Variants in DOCK2 observed in about 807,000 individuals in gnomAD.
The protein encoded by DOCK2 is dedicator of cytokinesis protein 2.
In DOCK2, 87 loss-of-function variants were observed where a neutral mutation model predicts 248.9. The observed-to-expected ratio is 0.35, with a 90% CI of 0.29 to 0.42. The LOEUF (loss-of-function observed/expected upper bound fraction) is 0.42. Among genes scored for constraint, DOCK2 ranks in the 10% least tolerant of loss-of-function variants. DOCK2 has a pLI of 1.00. For missense variants in DOCK2, 1,747 were observed against 2,300.2 expected, an observed-to-expected ratio of 0.76 and a Z score of 4.92; for synonymous variants, 805 against 821.6, an observed-to-expected ratio of 0.98 and a Z score of 0.35.
intron 2 of DOCK2, 150 bp downstream of exon 2, chr5:169,654,636 C>A: frequency 1.3e-6 from 1 of 746,186 alleles, no homozygotes; most frequent in Non-Finnish European, 2.1e-6. Context: ...ATTTACTAAA[C>A]AGAAATGCTT....
intron 10 of DOCK2, among the ~76,000 whole-genome samples, chr5:169,696,488 T>C (rs954595543): frequency 2.0e-5 from 3 of 152,228 alleles, no homozygotes; most frequent in Non-Finnish European, 2.9e-5. Context: ...GCCCCACTTT[T>C]ATGGTTTTAG....
chr5:169,727,116 C>T (rs1467383080), intron 22 of DOCK2, among the ~76,000 whole-genome samples: 1 of 150,904 alleles, frequency 6.6e-6, no homozygotes, highest in Non-Finnish European at 1.5e-5. Context: ...AGGAGCCAGT[C>T]CATGGGACGA....
At chr5:169,708,645 A>T (rs900761897) in intron 15 of DOCK2, among the ~76,000 whole-genome samples, 2 of 151,860 alleles carry the variant, frequency 1.3e-5, no homozygotes, top group Non-Finnish European at 2.9e-5. Flanking sequence ...GCTCACTGCA[A>T]CCACTGTCTC....
chr5:169,734,117 C>T (rs940887542), intron 22 of DOCK2, among the ~76,000 whole-genome samples: 1 of 151,996 alleles, frequency 6.6e-6, no homozygotes, highest in Admixed American at 6.6e-5. Flanking sequence ...TTTCTTTAAA[C>T]CCATTTTCCA....
chr5:169,822,076 A>G (rs1490754228), intron 26 of DOCK2, among the ~76,000 whole-genome samples: 1 of 152,254 alleles, frequency 6.6e-6, no homozygotes, highest in East Asian at 1.9e-4. Context: ...TAACTATCCT[A>G]AATATATATG....
intron 27 of DOCK2, among the ~76,000 whole-genome samples, chr5:169,842,130 G>C (rs1394092922): frequency 6.6e-6 from 1 of 152,160 alleles, no homozygotes; most frequent in African/African-American, 2.4e-5. Context: ...AGTGTTGGCA[G>C]TTTATTTTAA....
chr5:169,747,567 A>T, intron 23 of DOCK2, 63 bp downstream of exon 23: 2 of 1,400,372 alleles, frequency 1.4e-6, no homozygotes, highest in South Asian at 2.5e-5. Flanking sequence ...ACAGCATGCT[A>T]AGATAATATC....
chr5:169,847,333 T>C (rs1163179908), intron 27 of DOCK2, among the ~76,000 whole-genome samples: 5 of 152,236 alleles, frequency 3.3e-5, no homozygotes, highest in African/African-American at 1.2e-4. Flanking sequence ...ATGTTCTCTT[T>C]TCCCAACATT....
intron 26 of DOCK2, among the ~76,000 whole-genome samples, chr5:169,829,608 T>C (rs944174064): frequency 2.6e-5 from 4 of 152,234 alleles, no homozygotes; most frequent in African/African-American, 4.8e-5. Flanking sequence ...ACCCAGGGCC[T>C]ATGACTTTAT....
chr5:169,827,678 C>T (rs1297228326), intron 26 of DOCK2, among the ~76,000 whole-genome samples: 2 of 152,100 alleles, frequency 1.3e-5, no homozygotes, highest in East Asian at 3.9e-4. Context: ...CGGAATAAAT[C>T]AAGGAAAATA....
intron 26 of DOCK2, among the ~76,000 whole-genome samples, chr5:169,808,643 T>C (rs938192435): frequency 6.6e-6 from 1 of 152,172 alleles, no homozygotes; most frequent in African/African-American, 2.4e-5. Flanking sequence ...GAAGGGCGGT[T>C]TCACACTGCT....
chr5:169,639,460 GTC>G (rs1757029179), intron 1 of DOCK2, among the ~76,000 whole-genome samples: 1 of 152,180 alleles, frequency 6.6e-6, no homozygotes, highest in Non-Finnish European at 1.5e-5. Context: ...GTTTATTTCT[GTC>G]TCTCATGGAA....
intron 27 of DOCK2, among the ~76,000 whole-genome samples, chr5:169,947,313 A>G (rs2113717302): frequency 6.6e-6 from 1 of 152,366 alleles, no homozygotes. Context: ...GTCTTGGAAT[A>G]GGACAGAACA....
intron 22 of DOCK2, among the ~76,000 whole-genome samples, chr5:169,740,307 A>G (rs1763246730): frequency 6.6e-6 from 1 of 151,638 alleles, no homozygotes; most frequent in African/African-American, 2.4e-5. Flanking sequence ...TTTTATTTAG[A>G]ACTGTTTATA....
chr5:169,683,103 A>G (rs1472626419), intron 7 of DOCK2, among the ~76,000 whole-genome samples: 1 of 152,246 alleles, frequency 6.6e-6, no homozygotes, highest in African/African-American at 2.4e-5. Context: ...TTGGAAACAA[A>G]TCCTTGTGCG....
intron 12 of DOCK2, 134 bp from the exon 13 acceptor site, chr5:169,699,880 G>C (rs1025919838): frequency 7.7e-7 from 1 of 1,291,830 alleles, no homozygotes; most frequent in African/African-American, 1.5e-5. Context: ...CCTGTGGGCT[G>C]GGTGGCTGCA....
At chr5:169,638,456 G>A (rs1756965813) in intron 1 of DOCK2, among the ~76,000 whole-genome samples, 1 of 152,242 alleles carries the variant, frequency 6.6e-6, no homozygotes, top group African/African-American at 2.4e-5. Context: ...TGTAAGGCTA[G>A]AGGCTTGGAC....
intron 25 of DOCK2, among the ~76,000 whole-genome samples, chr5:169,795,483 G>A (rs1255352839): frequency 1.3e-5 from 2 of 152,002 alleles, no homozygotes; most frequent in African/African-American, 4.8e-5. Flanking sequence ...TGGGGGTGAG[G>A]CAAGTGACTC....
chr5:169,953,098 C>A (rs769288883), intron 27 of DOCK2, among the ~76,000 whole-genome samples: 1 of 151,922 alleles, frequency 6.6e-6, no homozygotes, highest in African/African-American at 2.4e-5. Flanking sequence ...CTGAGGTGGG[C>A]GGATCACAAG....
Sources: allele counts gnomAD v4.1 joint callset (sites outside exome capture counted in the v4.1 genomes callset), GRCh38; gene constraint gnomAD v4.1.1; transcripts MANE v1.5; gene names NCBI Gene and HGNC (gene_info 2026-07-23, HGNC 2026-07-21).